ZBBX: variants seen among roughly 807,000 people sequenced by gnomAD.
ZBBX encodes zinc finger B-box domain-containing protein 1.
A neutral mutation model predicts 108.5 loss-of-function variants in ZBBX; 101 were observed. That is an observed-to-expected ratio of 0.93 (90% CI 0.79 to 1.10). The LOEUF (loss-of-function observed/expected upper bound fraction) is 1.10, where lower values mean the gene tolerates loss of function less well. Among genes scored for constraint, ZBBX ranks in the 50% least tolerant of loss-of-function variants. The probability of loss-of-function intolerance (pLI) is 0.00; values close to 1 mark genes in which losing one functional copy is unlikely to be tolerated. For missense variants in ZBBX, 1,009 were observed against 941.4 expected (o/e 1.07, Z -0.94); for synonymous variants, 356 against 323.4 (o/e 1.10, Z -1.08).
At chr3:167,184,098 G>A in the ZBBX span, among the ~76,000 whole-genome samples, 1 of 152,164 alleles carries the variant, frequency 6.6e-6, no homozygotes, top group South Asian at 2.1e-4. Flanking sequence ...AAGAAATTCA[G>A]TGAAAGGGAT....
chr3:167,379,214 A>G (rs909773420), intron 2 of ZBBX, among the ~76,000 whole-genome samples: 3 of 152,222 alleles, frequency 2.0e-5, no homozygotes, highest in African/African-American at 7.2e-5. Flanking sequence ...CAACAAATAT[A>G]CATTGAACAC....
chr3:167,358,063 T>C (rs1013639260), intron 8 of ZBBX, among the ~76,000 whole-genome samples: 55 of 151,996 alleles, frequency 3.6e-4, no homozygotes, highest in African/African-American at 1.2e-3. Context: ...ATATACCTAA[T>C]GCTAAATGAC....
the ZBBX span, among the ~76,000 whole-genome samples, chr3:167,201,382 C>A: frequency 6.6e-6 from 1 of 152,010 alleles, no homozygotes; most frequent in African/African-American, 2.4e-5. Context: ...ACACAAGACC[C>A]TCTATCCTTC....
the ZBBX span, among the ~76,000 whole-genome samples, chr3:167,231,068 G>A: frequency 1.3e-5 from 2 of 151,904 alleles, no homozygotes; most frequent in African/African-American, 4.8e-5. Context: ...GGTAAATAGT[G>A]TTGTCAATTA....
At chr3:167,285,284 A>G (rs1729497852) in intron 19 of ZBBX, among the ~76,000 whole-genome samples, 1 of 152,118 alleles carries the variant, frequency 6.6e-6, no homozygotes, top group African/African-American at 2.4e-5. Context: ...TATTCTAAAT[A>G]TAACAATAGA....
At chr3:167,402,557 C>T (rs190893911) in intron 1 of ZBBX, among the ~76,000 whole-genome samples, 12 of 152,050 alleles carry the variant, frequency 7.9e-5, no homozygotes, top group African/African-American at 1.7e-4. Context: ...TAACAAATTA[C>T]GAGACCTACG....
chr3:167,356,108 T>C (rs1396368827), intron 8 of ZBBX, among the ~76,000 whole-genome samples: 1 of 152,136 alleles, frequency 6.6e-6, no homozygotes, highest in Non-Finnish European at 1.5e-5. Context: ...TATTGACTCA[T>C]AGCTCCTGTA....
In ZBBX at chr3:167,359,913, T is replaced by C. The variant is rs1229567616; in HGVS notation, c.389A>G (p.Asn130Ser). 3.2e-6 allele frequency: 5 copies of C among 1,577,832 alleles called. No individual in the cohort carries two copies. Among genetic ancestry groups the C allele is most frequent in the East Asian group, 2.3e-5 (1 of 43,046 alleles). Residue 130 changes from asparagine to serine, a missense_variant, in exon 8 of 22, where the codon AAT (asparagine) becomes AGT (serine). Transcript: ENST00000675490. ...CTCACACTGTCCACATACTTTCCCATTTATCTTGGGTTTTTCACATTCTGA... is the reference window on the plus strand; with the variant it reads ...CTCACACTGTCCACATACTTTCCCACTTATCTTGGGTTTTTCACATTCTGA... ...NSSECEKPKINGKVCGQCENK... is the reference protein window; with the variant it reads ...NSSECEKPKISGKVCGQCENK...
At chr3:167,243,679 G>A (rs1430803006) in intron 20 of ZBBX, among the ~76,000 whole-genome samples, 1 of 149,464 alleles carries the variant, frequency 6.7e-6, no homozygotes, top group East Asian at 2.0e-4. Flanking sequence ...TTTATGAGAG[G>A]ACCAAATAAA....
chr3:167,316,086 T>G (rs111817159), intron 14 of ZBBX, among the ~76,000 whole-genome samples: 5 of 151,726 alleles, frequency 3.3e-5, no homozygotes, highest in African/African-American at 9.6e-5. Flanking sequence ...ATGTAGCTAC[T>G]ACCTGCCAAG....
At chr3:167,208,135 G>T in the ZBBX span, among the ~76,000 whole-genome samples, 1 of 152,154 alleles carries the variant, frequency 6.6e-6, no homozygotes, top group South Asian at 2.1e-4. Flanking sequence ...AGGCATGGGG[G>T]AGTCACCCAT....
intron 20 of ZBBX, among the ~76,000 whole-genome samples, chr3:167,274,176 CT>C (rs1420796441): frequency 6.6e-6 from 1 of 152,152 alleles, no homozygotes; most frequent in African/African-American, 2.4e-5. Flanking sequence ...AGACTGACTG[CT>C]TTGTCCAATG....
At chr3:167,295,453 C>T (rs546322574) in intron 18 of ZBBX, among the ~76,000 whole-genome samples, 42 of 151,738 alleles carry the variant, frequency 2.8e-4, no homozygotes, top group East Asian at 1.8e-3. Flanking sequence ...GAAAACCAAA[C>T]ACCACATGTT....
the ZBBX span, among the ~76,000 whole-genome samples, chr3:167,210,254 T>C: frequency 1.3e-5 from 2 of 151,930 alleles, no homozygotes; most frequent in Non-Finnish European, 2.9e-5. Flanking sequence ...AAAAATGCAA[T>C]TGACATGCTA....
intron 10 of ZBBX, among the ~76,000 whole-genome samples, chr3:167,329,588 A>C (rs1738050753): frequency 6.6e-6 from 1 of 152,202 alleles, no homozygotes; most frequent in African/African-American, 2.4e-5. Flanking sequence ...TGAAAGATAA[A>C]ACAAGAATTC....
intron 4 of ZBBX, 66 bp from the exon 5 acceptor site, chr3:167,368,640 T>A: frequency 7.2e-7 from 1 of 1,384,042 alleles, no homozygotes; most frequent in Admixed American, 2.8e-5. Context: ...TTTTATATAA[T>A]CTTTTCCTGT....
the ZBBX span, among the ~76,000 whole-genome samples, chr3:167,210,400 C>T: frequency 3.3e-5 from 5 of 152,074 alleles, no homozygotes; most frequent in Non-Finnish European, 4.4e-5. Context: ...TAAAGCATTC[C>T]TGTAAGACCT....
chr3:167,185,882 T>C, the ZBBX span, among the ~76,000 whole-genome samples: 1 of 152,098 alleles, frequency 6.6e-6, no homozygotes, highest in Non-Finnish European at 1.5e-5. Flanking sequence ...CCTTTCCTCA[T>C]TGGTGGACAT....
upstream of ZBBX, among the ~76,000 whole-genome samples, chr3:167,382,576 A>G (rs567009321): frequency 6.6e-6 from 1 of 152,304 alleles, no homozygotes; most frequent in East Asian, 1.9e-4. Flanking sequence ...TTAAGAGCAC[A>G]GATTTACATG....
Sources: gnomAD v4.1 joint callset for allele counts (sites outside exome capture counted in the v4.1 genomes callset) on GRCh38, gnomAD v4.1.1 for gene constraint, MANE v1.5 for transcripts, NCBI Gene and HGNC (gene_info 2026-07-23, HGNC 2026-07-21) for gene names.